Variants in SPEG observed in about 807,000 individuals in gnomAD.
The protein encoded by SPEG is striated muscle preferentially expressed protein kinase.
SPEG carries 114 observed loss-of-function variants against 300.4 expected under a neutral mutation model. That is an observed-to-expected ratio of 0.38 (90% CI 0.33 to 0.44). SPEG has a LOEUF of 0.44. SPEG is among the 20% of genes least tolerant of loss of function. SPEG has a pLI of 1.00. For missense variants in SPEG, 4,201 were observed against 4,586.2 expected, an observed-to-expected ratio of 0.92 and a Z score of 2.43; for synonymous variants, 1,964 against 2,018.9, an observed-to-expected ratio of 0.97 and a Z score of 0.73.
At chr2:219,476,738 T>C in intron 18 of SPEG, 132 bp from the exon 19 acceptor site, 1 of 642,026 alleles carries the variant, frequency 1.6e-6, no homozygotes, top group Non-Finnish European at 2.7e-6. Flanking sequence ...GGGTGGTGGC[T>C]TGCAGGGAGG....
chr2:219,473,409 G>T lies in SPEG; in HGVS notation c.4148-95G>T. 1 of 1,236,892 alleles carries T rather than the reference G, an allele frequency of 8.1e-7. No individual in the cohort carries two copies. Among genetic ancestry groups the T allele is most frequent in the East Asian group, 2.3e-5 (1 of 42,706 alleles). 76.6% of individuals were successfully genotyped at this position (1,236,892 alleles called of 1,614,324 possible). ...CTTCAGCTTTCCCATCTGTAAAAAC[G>T]GAACTCAAGTGTTGATGAGGGGTGT... On this transcript the variant is annotated intron_variant, in intron 16 of 40. Coordinates refer to ENST00000312358, the MANE Select transcript of SPEG (RefSeq NM_005876.5). This position sits in a 1 kb window ranked among gnomAD's most constrained non-coding sequence, Gnocchi z 4.6.
Position 219,445,590 on chromosome 2 carries a change from T to G in SPEG, c.815+429T>G. ...CACATTCCTGTTCCCATGTGGGCCT[T>G]TTTCTGGGAGGAACAGAACCTTTCC... On this transcript the variant is annotated intron_variant, in intron 3 of 40. Coordinates refer to ENST00000312358, the MANE Select transcript of SPEG (RefSeq NM_005876.5). The surrounding 1 kb of genome is among the most constrained non-coding windows in gnomAD (Gnocchi z 6.1). The G allele has an allele frequency of 4.9e-6, 1 of 203,536 alleles. No homozygotes were observed. The highest frequency in any genetic ancestry group is 5.3e-5 in the Admixed American group (1 of 19,006). 12.6% of individuals were successfully genotyped at this position (203,536 alleles called of 1,614,324 possible).
chr2:219,465,968 CGTGTGTGTGCAT>C, intron 9 of SPEG: 2 of 1,131,428 alleles, frequency 1.8e-6, no homozygotes, highest in Non-Finnish European at 2.6e-6. Flanking sequence ...CGTGTGCATG[CGTGTGTGTGCAT>C]GTGTGTGTGT....
In SPEG at chr2:219,448,591, A is replaced by G. The variant is rs1384664709; in HGVS notation, c.1433A>G (p.Asp478Gly). ...RLFQQKAASLDERTRQRSPAS... is the reference protein window; with the variant it reads ...RLFQQKAASLGERTRQRSPAS... ...TTCCAGCAGAAAGCGGCCTCGCTGG[A>G]CGAGCGCACGCGTCAGCGCAGCCCG... The change falls in exon 4 of 41, where the codon GAC becomes GGC. Residue 478 changes from aspartate to glycine, a missense_variant. This residue lies in a region of SPEG where 1,258 missense variants were observed against 1,293.9 expected (regional missense o/e 0.97). Transcript: ENST00000312358. 13 of 1,458,862 alleles carry G rather than the reference A, an allele frequency of 8.9e-6. No individual in the cohort carries two copies. The Admixed American group carries it at 1.8e-4, about 20-fold the overall frequency. 90.4% of individuals were successfully genotyped at this position (1,458,862 alleles called of 1,614,324 possible).
intron 10 of SPEG, among the ~76,000 whole-genome samples, chr2:219,467,934 G>A (rs1176556993): frequency 6.6e-6 from 1 of 152,240 alleles, no homozygotes; most frequent in East Asian, 1.9e-4. Flanking sequence ...CCTAATAAAT[G>A]CCAGCCATTG....
chr2:219,441,891 C>A (rs1003956537), intron 1 of SPEG: 1 of 217,898 alleles, frequency 4.6e-6, no homozygotes, highest in Non-Finnish European at 8.9e-6. Flanking sequence ...GCCGCCGTCG[C>A]CGCCTTACCC....
In SPEG at chr2:219,484,501, G is replaced by A. The variant is rs1024585282; in HGVS notation, c.7038G>A (p.Ser2346=). The change falls in exon 30 of 41, where the codon TCG becomes TCA. Residue 2346 remains serine, a synonymous_variant. Coordinates refer to ENST00000312358, the MANE Select transcript of SPEG (RefSeq NM_005876.5). The stretch of plus-strand genomic sequence containing the variant: ...AGCGCAGCCGCGAGTCGCCCCTGTC[G>A]CTGGGGCTGCGGCTGCTGAGCCGTT... The part of the protein sequence containing the change: ...KFKRSRESPL[S]LGLRLLSRSR... 2 of 1,605,528 alleles carry A rather than the reference G, an allele frequency of 1.2e-6. No homozygotes were observed. Among genetic ancestry groups the A allele is most frequent in the Non-Finnish European group, 1.7e-6 (2 of 1,177,954 alleles).
rs546598705 is a variant in SPEG at position 219,448,999 on chromosome 2, C to G, written c.1841C>G (p.Pro614Arg). 11 of 1,482,724 alleles carry G rather than the reference C, an allele frequency of 7.4e-6. No individual in the cohort carries two copies. The African/African-American group carries it at 8.9e-5, about 12-fold the overall frequency. 91.8% of individuals were successfully genotyped at this position (1,482,724 alleles called of 1,614,324 possible). ...GAGTGCAGGAGCCCTGTGCCGCCCC[C>G]CGCCGCCGATCCCCCAGAGGCCAGG... ...IQECRSPVPP[P>R]AADPPEARTK... The change falls in exon 4 of 41, where the codon CCC becomes CGC. Residue 614 changes from proline to arginine, a missense_variant. By Grantham distance (103) the Pro-to-Arg change is moderately radical (BLOSUM62 -2). Coordinates refer to ENST00000312358, the MANE Select transcript of SPEG (RefSeq NM_005876.5).
chr2:219,483,040 G>T (rs367749238), intron 29 of SPEG, 58 bp from the exon 30 acceptor site: 8 of 1,540,832 alleles, frequency 5.2e-6, no homozygotes, highest in African/African-American at 1.4e-5. Context: ...GGTGGGCCTG[G>T]GGGGGACAAT....
At chr2:219,491,342 C>T (rs1451468915) in intron 38 of SPEG, among the ~76,000 whole-genome samples, 5 of 152,208 alleles carry the variant, frequency 3.3e-5, no homozygotes, top group Non-Finnish European at 7.3e-5. Flanking sequence ...TGTGGTTCTA[C>T]AGGCCACACT....
At position 219,448,128 on chromosome 2, in the gene SPEG, C is replaced by G. The variant is rs750056072; in HGVS notation, c.970C>G (p.Pro324Ala). 5 of 1,604,670 alleles carry G rather than the reference C, an allele frequency of 3.1e-6. No homozygotes were observed. The South Asian group carries it at 5.5e-5, about 18-fold the overall frequency. Residue 324 changes from proline (P) to alanine (A), a missense_variant, in exon 4 of 41, where the codon CCC (proline) becomes GCC (alanine). Coordinates refer to ENST00000312358, the MANE Select transcript of SPEG (RefSeq NM_005876.5). ...PRVGKRSPPG[P>A]PAQPAATPTS... ...GGTCGGGAAGCGGTCCCCGCCGGGA[C>G]CCCCGGCCCAGCCCGCGGCCACCCC...
chr2:219,472,441 G>A (rs1691968121), intron 15 of SPEG, 110 bp downstream of exon 15: 1 of 916,814 alleles, frequency 1.1e-6, no homozygotes, highest in South Asian at 1.5e-5. Flanking sequence ...AGGGGCAGGA[G>A]CTGATGGAAT....
rs922438665 is a variant in SPEG, at chr2:219,464,391, A to C, written c.2706-42A>C. The C allele has an allele frequency of 6.3e-7, 1 of 1,579,334 alleles. No individual in the cohort carries two copies. The highest frequency in any genetic ancestry group is 1.7e-5 in the Admixed American group (1 of 58,406). ...GCCCCAGTTCCTGTGCACGCACATC[A>C]GGCCCCTGGGCCCTGGGACTGAGTT... is the stretch of plus-strand genomic sequence containing the variant. On this transcript the variant is annotated intron_variant, in intron 8 of 40. Coordinates refer to ENST00000312358, the MANE Select transcript of SPEG (RefSeq NM_005876.5). The surrounding 1 kb of genome is among the most constrained non-coding windows in gnomAD (Gnocchi z 4.5).
At chr2:219,492,386 T>A in intron 40 of SPEG, 126 bp downstream of exon 40, 4 of 1,190,336 alleles carry the variant, frequency 3.4e-6, no homozygotes, top group East Asian at 2.4e-5. Flanking sequence ...ATGGTCATAC[T>A]ACCCACCATT....
At chr2:219,467,083 C>G (rs1691432488) in intron 9 of SPEG, 91 bp from the exon 10 acceptor site, 1 of 1,407,800 alleles carries the variant, frequency 7.1e-7, no homozygotes, top group South Asian at 1.4e-5. Flanking sequence ...CTCTCTGTGT[C>G]TGTCTGTCTC....
chr2:219,485,315 A>G (rs1465799436), intron 30 of SPEG, 31 bp from the exon 31 acceptor site: 8 of 1,595,164 alleles, frequency 5.0e-6, no homozygotes, highest in Non-Finnish European at 6.8e-6. Context: ...GTACTGACTG[A>G]ACAAATACTC....
intron 13 of SPEG, among the ~76,000 whole-genome samples, chr2:219,470,634 C>G (rs988234312): frequency 6.6e-6 from 1 of 152,190 alleles, no homozygotes; most frequent in Non-Finnish European, 1.5e-5. Context: ...GGAAGGGTGT[C>G]TAGGGACAGC....
At chr2:219,478,963 C>T (rs1692580570) in intron 22 of SPEG, among the ~76,000 whole-genome samples, 181 bp from the exon 23 acceptor site, 1 of 152,118 alleles carries the variant, frequency 6.6e-6, no homozygotes, top group Non-Finnish European at 1.5e-5. Flanking sequence ...CCCACCTGTG[C>T]CCTCAGAGGA....
chr2:219,466,059 G>A (rs563702959), intron 9 of SPEG: 10 of 1,604,516 alleles, frequency 6.2e-6, no homozygotes, highest in East Asian at 2.2e-5. Flanking sequence ...GTACACAGGC[G>A]AGTGAGCTCA....
Sources: allele counts gnomAD v4.1 joint callset (sites outside exome capture counted in the v4.1 genomes callset), GRCh38; gene constraint gnomAD v4.1.1; regional missense constraint gnomAD v4.1.1; non-coding constraint Gnocchi (gnomAD v3.1); transcripts MANE v1.5; gene names NCBI Gene and HGNC (gene_info 2026-07-23, HGNC 2026-07-21).